The following NCKAP5 variants were observed in gnomAD, a reference collection of about 807,000 sequenced individuals.
NCKAP5 encodes the protein NCK associated protein 5, also known as nck-associated protein 5.
Under a neutral mutation model 167.0 loss-of-function variants are expected in NCKAP5, and 92 were observed. The ratio of observed to expected loss-of-function variants is 0.55; its 90% CI spans 0.47 to 0.66. NCKAP5 has a LOEUF of 0.66. Ranked by LOEUF, NCKAP5 falls within the 30% of genes least tolerant of loss-of-function variation. The probability of loss-of-function intolerance (pLI) is 0.00; values close to 1 mark genes in which losing one functional copy is unlikely to be tolerated. For missense variants in NCKAP5, 2,378 were observed against 2,315.0 expected, an observed-to-expected ratio of 1.03 and a Z score of -0.56; for synonymous variants, 891 against 877.4, an observed-to-expected ratio of 1.02 and a Z score of -0.27.
chr2:133,076,156 T>C (rs2080593876), intron 6 of NCKAP5, among the ~76,000 whole-genome samples: 1 of 152,232 alleles, frequency 6.6e-6, no homozygotes, highest in African/African-American at 2.4e-5. Flanking sequence ...TTAATTTTTG[T>C]GCATGCAAAT....
intron 3 of NCKAP5, among the ~76,000 whole-genome samples, chr2:133,322,904 G>T (rs1209567191): frequency 1.3e-5 from 2 of 152,216 alleles, no homozygotes; most frequent in African/African-American, 4.8e-5. Context: ...CTGAAAATTT[G>T]CATTTCTAAC....
At chr2:133,667,209 G>A in the NCKAP5 span, among the ~76,000 whole-genome samples, 1 of 151,788 alleles carries the variant, frequency 6.6e-6, no homozygotes, top group Admixed American at 6.6e-5. Flanking sequence ...AATGAAATGA[G>A]AACATGTTCC....
intron 16 of NCKAP5, among the ~76,000 whole-genome samples, chr2:132,750,259 A>G (rs1030974898): frequency 2.6e-5 from 4 of 152,184 alleles, no homozygotes; most frequent in African/African-American, 2.4e-5. Flanking sequence ...AAGACTTGAC[A>G]GAAAATTTGA....
chr2:133,486,573 G>A (rs867382889), intron 3 of NCKAP5, among the ~76,000 whole-genome samples: 8 of 152,130 alleles, frequency 5.3e-5, no homozygotes, highest in Non-Finnish European at 1.2e-4. Context: ...AACAGAATTG[G>A]AAATTACAGA....
chr2:132,705,326 G>T (rs960126768), intron 19 of NCKAP5, among the ~76,000 whole-genome samples: 5 of 151,722 alleles, frequency 3.3e-5, no homozygotes, highest in African/African-American at 1.2e-4. Flanking sequence ...AAAAATCTTT[G>T]AAAGATTTAT....
the NCKAP5 span, among the ~76,000 whole-genome samples, chr2:133,663,122 T>C: frequency 1.3e-3 from 192 of 151,862 alleles, no homozygotes; most frequent in African/African-American, 4.2e-3. Flanking sequence ...AAAAATTAGC[T>C]GGGCGCGGTG....
At chr2:133,665,777 T>C in the NCKAP5 span, among the ~76,000 whole-genome samples, 8 of 152,228 alleles carry the variant, frequency 5.3e-5, no homozygotes, top group Non-Finnish European at 1.0e-4. Flanking sequence ...CCTGTGTTTA[T>C]TGTGGGTAAA....
At chr2:132,920,606 C>T (rs1695242461) in intron 8 of NCKAP5, among the ~76,000 whole-genome samples, 1 of 143,160 alleles carries the variant, frequency 7.0e-6, no homozygotes, top group Admixed American at 7.1e-5. Context: ...AGGCCTGGTT[C>T]AAGGGACCTG....
intron 8 of NCKAP5, among the ~76,000 whole-genome samples, chr2:132,951,434 G>A (rs2076183945): frequency 6.6e-6 from 1 of 152,182 alleles, no homozygotes; most frequent in Non-Finnish European, 1.5e-5. Context: ...ATGACAGCTG[G>A]TGTTTATAAT....
intron 19 of NCKAP5, among the ~76,000 whole-genome samples, chr2:132,705,939 C>A (rs1382518883): frequency 6.6e-6 from 1 of 151,798 alleles, no homozygotes; most frequent in Non-Finnish European, 1.5e-5. Context: ...TACTGCTTTT[C>A]CTCTCATATA....
intron 8 of NCKAP5, among the ~76,000 whole-genome samples, chr2:132,935,363 T>C: frequency 6.6e-6 from 1 of 152,192 alleles, no homozygotes. Context: ...TCTCTGAACA[T>C]ACGGCAGCTT....
chr2:133,483,890 G>A (rs1238682120), intron 3 of NCKAP5, among the ~76,000 whole-genome samples: 1 of 152,186 alleles, frequency 6.6e-6, no homozygotes, highest in Non-Finnish European at 1.5e-5. Flanking sequence ...ATTCAGCCAG[G>A]TTTGAAAACC....
At chr2:133,217,341 C>G (rs2086474710) in intron 4 of NCKAP5, among the ~76,000 whole-genome samples, 1 of 152,008 alleles carries the variant, frequency 6.6e-6, no homozygotes, top group Non-Finnish European at 1.5e-5. Flanking sequence ...AGAAACACTG[C>G]CAGAACACCA....
chr2:133,179,436 A>T (rs1314530157), intron 5 of NCKAP5, among the ~76,000 whole-genome samples: 1 of 149,602 alleles, frequency 6.7e-6, no homozygotes. Context: ...GGTTTCAATT[A>T]AAAAAAAATC....
chr2:132,981,932 A>C (rs1187201733), intron 7 of NCKAP5, among the ~76,000 whole-genome samples: 1 of 152,204 alleles, frequency 6.6e-6, no homozygotes, highest in African/African-American at 2.4e-5. Context: ...AGAAGACAGC[A>C]CCAAAACAGC....
intron 11 of NCKAP5, among the ~76,000 whole-genome samples, chr2:132,832,764 T>C (rs1687612622): frequency 6.6e-6 from 1 of 152,196 alleles, no homozygotes; most frequent in Non-Finnish European, 1.5e-5. Context: ...TATCCAATAA[T>C]CTGTTGTTGG....
chr2:133,403,310 C>T (rs1688216884), intron 3 of NCKAP5, among the ~76,000 whole-genome samples: 1 of 152,160 alleles, frequency 6.6e-6, no homozygotes, highest in African/African-American at 2.4e-5. Flanking sequence ...GGCATTGCCA[C>T]AGTATTAAAA....
intron 6 of NCKAP5, among the ~76,000 whole-genome samples, chr2:133,082,395 G>A (rs1457719843): frequency 1.3e-5 from 2 of 152,078 alleles, no homozygotes; most frequent in Admixed American, 1.3e-4. Flanking sequence ...GGCTTTTGAT[G>A]GAAGAGGTCT....
At chr2:133,188,140 C>T (rs187869480) in intron 5 of NCKAP5, among the ~76,000 whole-genome samples, 51 of 152,108 alleles carry the variant, frequency 3.4e-4, no homozygotes, top group Non-Finnish European at 1.5e-4. Context: ...TTTAGTGCTT[C>T]CTTCAGGAGC....
Sources: gnomAD v4.1 joint callset for allele counts (sites outside exome capture counted in the v4.1 genomes callset) on GRCh38, gnomAD v4.1.1 for gene constraint, MANE v1.5 for transcripts, NCBI Gene and HGNC (gene_info 2026-07-23, HGNC 2026-07-21) for gene names.